NMI: variants seen among roughly 807,000 people sequenced by gnomAD.
NMI encodes the protein N-myc-interactor.
NMI carries 39 observed loss-of-function variants against 34.3 expected under a neutral mutation model. That is an observed-to-expected ratio of 1.14 (90% CI 0.88 to 1.49). The LOEUF (loss-of-function observed/expected upper bound fraction) is 1.49. Ranked by LOEUF, NMI falls within the 40% of genes most tolerant of loss-of-function variation. The pLI, the probability that NMI is intolerant of heterozygous loss-of-function variation, is 0.00. For missense variants in NMI, 339 were observed against 358.1 expected, an observed-to-expected ratio of 0.95 and a Z score of 0.43; for synonymous variants, 113 against 120.3, an observed-to-expected ratio of 0.94 and a Z score of 0.40.
Position 151,275,579 on chromosome 2 carries a change from C to T in NMI, c.539G>A (p.Ser180Asn). 1 of 1,614,208 alleles carries T rather than the reference C, an allele frequency of 6.2e-7. No homozygotes were observed. The highest frequency in any genetic ancestry group is 1.1e-5 in the South Asian group (1 of 91,088). The change falls in exon 6 of 8, where the codon AGC becomes AAC. Residue 180 changes from serine (S) to asparagine (N), a missense_variant. By Grantham distance (46) the Ser-to-Asn change is conservative. Coordinates refer to ENST00000243346, the MANE Select transcript of NMI (RefSeq NM_004688.3). ...EDQMRDKLEL[S>N]FSKSRNGGGE... ...GCCTCCATTTCGGGACTTTGAAAAG[C>T]TCAGCTCTAGTTTGTCTCTCATTTG... is the stretch of plus-strand genomic sequence containing the variant.
rs753065926 is a variant in NMI at position 151,275,846 on chromosome 2, C to T, written c.359G>A (p.Ser120Asn). 6.3e-7 allele frequency: 1 copy of T among 1,595,454 alleles called. No individual in the cohort carries two copies. Among genetic ancestry groups the T allele is most frequent in the African/African-American group, 1.3e-5 (1 of 74,132 alleles). ...TATCTGTACATGATGTTTACTCATGCTTACCACATTTTGAGCAACTGAAAA... is the reference window on the plus strand; with the variant it reads ...TATCTGTACATGATGTTTACTCATGTTTACCACATTTTGAGCAACTGAAAA... ...EKEEVAQNVV[S>N]MSKHHVQIKD... Residue 120 changes from serine (S) to asparagine (N), a missense_variant, in exon 5 of 8, where the codon AGC (serine) becomes AAC (asparagine). By Grantham distance (46) the Ser-to-Asn change is conservative. Coordinates refer to ENST00000243346, the MANE Select transcript of NMI (RefSeq NM_004688.3).
chr2:151,279,317 T>A (rs185408311), intron 3 of NMI, among the ~76,000 whole-genome samples: 146 of 152,334 alleles, frequency 9.6e-4, no homozygotes, highest in African/African-American at 3.4e-3. Context: ...ATAAGGACTT[T>A]TTAAACAAGT....
At chr2:151,273,688 A>G (rs1303998380) in intron 6 of NMI, among the ~76,000 whole-genome samples, 1 of 151,992 alleles carries the variant, frequency 6.6e-6, no homozygotes, top group Non-Finnish European at 1.5e-5. Context: ...ACATCCGCTA[A>G]TTTTTGTATT....
intron 6 of NMI, among the ~76,000 whole-genome samples, chr2:151,274,172 G>A (rs977624833): frequency 4.6e-5 from 7 of 151,052 alleles, no homozygotes; most frequent in African/African-American, 1.2e-4. Flanking sequence ...GTGAAACCCC[G>A]TCTCTACCAA....
chr2:151,288,354 G>A (rs1181173138), intron 1 of NMI, among the ~76,000 whole-genome samples: 2 of 152,212 alleles, frequency 1.3e-5, no homozygotes, highest in African/African-American at 4.8e-5. Flanking sequence ...TGTGACCCCG[G>A]AAGAACTTTC....
chr2:151,283,074 T>C (rs1007486078), intron 1 of NMI, 120 bp from the exon 2 acceptor site: 27 of 472,608 alleles, frequency 5.7e-5, no homozygotes, highest in African/African-American at 5.5e-4. Flanking sequence ...TATCTTTTTT[T>C]CCCATCATCA....
chr2:151,280,426 T>A (rs1320147625), intron 3 of NMI, among the ~76,000 whole-genome samples: 1 of 152,184 alleles, frequency 6.6e-6, no homozygotes, highest in African/African-American at 2.4e-5. Context: ...TATGCATAAC[T>A]CCAGTGGAAC....
rs777266434 is a variant in NMI, at chr2:151,275,544, C to A, written c.574G>T (p.Asp192Tyr). The A allele has an allele frequency of 1.2e-6, 2 of 1,614,172 alleles. No individual in the cohort carries two copies. Among genetic ancestry groups the A allele is most frequent in the East Asian group, 4.5e-5 (2 of 44,878 alleles). Reference protein sequence around the residue: ...SKSRNGGGEVDRVDYDRQSGS... With the variant: ...SKSRNGGGEVYRVDYDRQSGS... ...GACTGTCTGTCATAGTCCACGCGGT[C>A]CACCTCTCCGCCTCCATTTCGGGAC... The change falls in exon 6 of 8, where the codon GAC becomes TAC. Residue 192 changes from aspartate to tyrosine, a missense_variant. Asp to Tyr is a radical substitution (Grantham distance 160, BLOSUM62 -3). Coordinates refer to ENST00000243346, the MANE Select transcript of NMI (RefSeq NM_004688.3).
At chr2:151,282,752 C>A (rs1330262573) in intron 2 of NMI, 116 bp downstream of exon 2, 1 of 532,110 alleles carries the variant, frequency 1.9e-6, no homozygotes, top group Non-Finnish European at 3.3e-6. Flanking sequence ...TTTTTTAAAG[C>A]CTAACGGCCT....
rs765227209 is a variant in NMI at position 151,271,733 on chromosome 2, C to T, written c.635-1G>A. On this transcript the variant is annotated splice_acceptor_variant, in intron 6 of 7. Coordinates refer to ENST00000243346, the MANE Select transcript of NMI (RefSeq NM_004688.3). LOFTEE classifies it high-confidence loss of function. Reference sequence around the variant, plus strand: ...TTCTTTTTCAAAATCTTGTCAGCCACTAAAAGCAAAACAAAAACAATACTT... The same window carrying T: ...TTCTTTTTCAAAATCTTGTCAGCCATTAAAAGCAAAACAAAAACAATACTT... The T allele has an allele frequency of 2.1e-6, 3 of 1,457,404 alleles. No individual in the cohort carries two copies. Among genetic ancestry groups the T allele is most frequent in the East Asian group, 2.3e-5 (1 of 43,920 alleles). 90.3% of individuals were successfully genotyped at this position (1,457,404 alleles called of 1,614,324 possible). A position where few individuals can be genotyped will look rare whatever the true frequency, so the allele number is the denominator to read the frequency against.
chr2:151,281,801 G>A (rs533029219), intron 3 of NMI, 147 bp downstream of exon 3: 3 of 631,324 alleles, frequency 4.8e-6, no homozygotes, highest in Admixed American at 3.2e-5. Context: ...AGGAATCATT[G>A]GGTTGTTTTC....
At chr2:151,279,492 T>C (rs183643498) in intron 3 of NMI, among the ~76,000 whole-genome samples, 61 of 152,296 alleles carry the variant, frequency 4.0e-4, no homozygotes, top group Non-Finnish European at 1.9e-4. Context: ...TATTTATTTA[T>C]TTTGAGACAG....
intron 1 of NMI, among the ~76,000 whole-genome samples, chr2:151,285,264 T>C (rs1683473479): frequency 6.6e-6 from 1 of 152,110 alleles, no homozygotes; most frequent in Non-Finnish European, 1.5e-5. Flanking sequence ...AAGATAATTA[T>C]AAATATGGAA....
At chr2:151,272,466 A>G (rs1573740761) in intron 6 of NMI, among the ~76,000 whole-genome samples, 1 of 152,232 alleles carries the variant, frequency 6.6e-6, no homozygotes, top group Non-Finnish European at 1.5e-5. Flanking sequence ...ACCCTGAGGC[A>G]ATGCTGATAG....
At chr2:151,284,186 T>A (rs1407334314) in intron 1 of NMI, among the ~76,000 whole-genome samples, 1 of 152,140 alleles carries the variant, frequency 6.6e-6, no homozygotes, top group African/African-American at 2.4e-5. Context: ...TGAAACCCCG[T>A]CTCTACTAAA....
At chr2:151,283,053 C>T (rs557979267) in intron 1 of NMI, 99 bp from the exon 2 acceptor site, 61 of 520,828 alleles carry the variant, frequency 1.2e-4, no homozygotes, top group Admixed American at 9.2e-4. Flanking sequence ...AGAAACATCT[C>T]TTCTTTGCTA....
intron 6 of NMI, among the ~76,000 whole-genome samples, chr2:151,273,718 C>G (rs1034811276): frequency 2.6e-5 from 4 of 151,906 alleles, no homozygotes; most frequent in Non-Finnish European, 5.9e-5. Flanking sequence ...GAAGGGGTCT[C>G]GCGATGTTGG....
At chr2:151,275,273 G>A (rs1214080063) in intron 6 of NMI, among the ~76,000 whole-genome samples, 2 of 152,138 alleles carry the variant, frequency 1.3e-5, no homozygotes, top group African/African-American at 2.4e-5. Flanking sequence ...GTGAGCCACT[G>A]CACCCTGCCT....
At chr2:151,274,478 C>CTTTT (rs754607240) in intron 6 of NMI, among the ~76,000 whole-genome samples, 2 of 125,676 alleles carry the variant, frequency 1.6e-5, no homozygotes, top group Non-Finnish European at 1.6e-5. Flanking sequence ...GGAAATGTCT[C>CTTTT]TTTTTGTTTT....
Sources: gnomAD v4.1 joint callset for allele counts (sites outside exome capture counted in the v4.1 genomes callset) on GRCh38, gnomAD v4.1.1 for gene constraint, MANE v1.5 for transcripts, NCBI Gene and HGNC (gene_info 2026-07-23, HGNC 2026-07-21) for gene names.